Variants in ZNF385D observed in about 807,000 individuals in gnomAD.
The protein encoded by ZNF385D is zinc finger protein 659.
Under a neutral mutation model 35.8 loss-of-function variants are expected in ZNF385D, and 15 were observed. The observed-to-expected ratio is 0.42, with a 90% CI of 0.28 to 0.64. The LOEUF is 0.64. Among genes scored for constraint, ZNF385D ranks in the 30% least tolerant of loss-of-function variants. The pLI is 0.23. For synonymous variants in ZNF385D, 212 were observed against 186.8 expected (o/e 1.13, Z -1.10); for missense variants, 474 against 494.6 (o/e 0.96, Z 0.39).
In ZNF385D at chr3:21,988,818, G is replaced by A. The variant is rs559552071; in HGVS notation, c.325+179999C>T. 9.2e-5 allele frequency among the ~76,000 whole-genome samples: 14 copies of A among 152,244 alleles called. No individual in the cohort carries two copies. The East Asian group carries it at 1.7e-3, about 19-fold the overall frequency. On this transcript the variant is annotated intron_variant, in intron 3 of 5. Coordinates refer to the ZNF385D transcript ENST00000494108. ...TCAGACTGCTGTGCTAGCAATCAGCGAGACTCCGTGGGCGTAGGACCCTCC... is the reference window on the plus strand; with the variant it reads ...TCAGACTGCTGTGCTAGCAATCAGCAAGACTCCGTGGGCGTAGGACCCTCC...
chr3:21,872,678 T>A lies in ZNF385D; in HGVS notation c.326-207650A>T, dbSNP rs952420814. On this transcript the variant is annotated intron_variant, in intron 3 of 5. Coordinates refer to the ZNF385D transcript ENST00000494108. The stretch of plus-strand genomic sequence containing the variant: ...GGTTGCCATTTACAATGTGGCAAAA[T>A]GGCCTGAAAGAAATAGAGTTTGCTG... Among the ~76,000 whole-genome samples the A allele has an allele frequency of 1.1e-4, 17 of 152,194 alleles. 1 individual carries two copies. Among genetic ancestry groups the A allele is most frequent in the Admixed American group, 7.9e-4 (12 of 15,274 alleles).
chr3:22,062,211 TTTA>T (rs975498025), intron 3 of ZNF385D, among the ~76,000 whole-genome samples: 6 of 149,152 alleles, frequency 4.0e-5, no homozygotes, highest in African/African-American at 1.5e-4. Context: ...CCATGCCTAA[TTTA>T]TTTTTATTTT....
At chr3:22,258,457 G>A (rs1395732607) in intron 2 of ZNF385D, among the ~76,000 whole-genome samples, 1 of 151,698 alleles carries the variant, frequency 6.6e-6, no homozygotes, top group Non-Finnish European at 1.5e-5. Flanking sequence ...AATGTACTCT[G>A]TATAATATCA....
intron 3 of ZNF385D, among the ~76,000 whole-genome samples, chr3:22,128,203 G>T (rs1346024935): frequency 6.6e-6 from 1 of 152,134 alleles, no homozygotes; most frequent in Non-Finnish European, 1.5e-5. Flanking sequence ...AGTATATCAT[G>T]CCACTCCCTC....
At chr3:21,904,445 A>G (rs1559740034) in intron 3 of ZNF385D, among the ~76,000 whole-genome samples, 1 of 152,186 alleles carries the variant, frequency 6.6e-6, no homozygotes, top group Admixed American at 6.6e-5. Context: ...TGTATTTTAA[A>G]AAACTACTAT....
chr3:21,807,833 T>A (rs965602786), intron 3 of ZNF385D, among the ~76,000 whole-genome samples: 2 of 152,206 alleles, frequency 1.3e-5, no homozygotes, highest in Non-Finnish European at 2.9e-5. Context: ...TTTGAAAAAG[T>A]CTCTGAGATG....
intron 2 of ZNF385D, among the ~76,000 whole-genome samples, chr3:22,180,420 C>G (rs2125777935): frequency 6.6e-6 from 1 of 152,308 alleles, no homozygotes; most frequent in South Asian, 2.1e-4. Context: ...AGGGAATCCT[C>G]CCTAACTCAT....
chr3:21,486,761 G>C (rs1178762133), intron 4 of ZNF385D, among the ~76,000 whole-genome samples: 1 of 152,070 alleles, frequency 6.6e-6, no homozygotes, highest in Non-Finnish European at 1.5e-5. Flanking sequence ...CAATCACATA[G>C]CCTGTATTAG....
At chr3:21,462,185 C>G (rs1353229285) in intron 4 of ZNF385D, among the ~76,000 whole-genome samples, 1 of 152,212 alleles carries the variant, frequency 6.6e-6, no homozygotes, top group East Asian at 1.9e-4. Context: ...TAAACACTAC[C>G]TTTTCTAATT....
At chr3:21,846,546 C>T (rs1298468081) in intron 3 of ZNF385D, among the ~76,000 whole-genome samples, 1 of 151,958 alleles carries the variant, frequency 6.6e-6, no homozygotes, top group Non-Finnish European at 1.5e-5. Flanking sequence ...CAGTCTTTTC[C>T]TCCAGGCATA....
intron 3 of ZNF385D, among the ~76,000 whole-genome samples, chr3:21,823,005 A>T (rs1416312851): frequency 6.6e-6 from 1 of 152,208 alleles, no homozygotes; most frequent in Non-Finnish European, 1.5e-5. Context: ...ACAAAGATGC[A>T]ATCAAAACAG....
chr3:21,772,072 T>C (rs2071099399), intron 3 of ZNF385D, among the ~76,000 whole-genome samples: 1 of 151,772 alleles, frequency 6.6e-6, no homozygotes, highest in South Asian at 2.1e-4. Context: ...ATGTAAAAAA[T>C]TAAGTCACAA....
intron 2 of ZNF385D, among the ~76,000 whole-genome samples, chr3:21,584,344 T>A (rs1362645574): frequency 1.3e-5 from 2 of 152,192 alleles, no homozygotes; most frequent in Non-Finnish European, 2.9e-5. Flanking sequence ...CTGCAACTCA[T>A]TGTTCCAGAC....
chr3:21,528,711 TTTGA>T (rs1282255653), intron 3 of ZNF385D, among the ~76,000 whole-genome samples: 2 of 152,170 alleles, frequency 1.3e-5, no homozygotes, highest in African/African-American at 2.4e-5. Context: ...CTATGCATCT[TTTGA>T]TTGATGTATA....
intron 2 of ZNF385D, among the ~76,000 whole-genome samples, chr3:22,289,172 T>C (rs915862259): frequency 1.3e-5 from 2 of 152,154 alleles, no homozygotes; most frequent in Non-Finnish European, 2.9e-5. Context: ...CTTCCTACTA[T>C]ACCCTTTGAT....
chr3:22,087,835 G>C (rs368373989), intron 3 of ZNF385D, among the ~76,000 whole-genome samples: 23 of 152,136 alleles, frequency 1.5e-4, no homozygotes, highest in East Asian at 5.8e-4. Context: ...AAAAAGCAGA[G>C]TATAGGAATG....
intron 2 of ZNF385D, among the ~76,000 whole-genome samples, chr3:22,351,630 G>A: frequency 6.6e-6 from 1 of 152,086 alleles, no homozygotes; most frequent in East Asian, 1.9e-4. Context: ...TATAATGAGA[G>A]TAAGCTAAAA....
chr3:22,202,173 T>C, intron 2 of ZNF385D, among the ~76,000 whole-genome samples: 1 of 152,096 alleles, frequency 6.6e-6, no homozygotes, highest in East Asian at 1.9e-4. Context: ...ACTATCTTAC[T>C]GCAGTGATAT....
At chr3:21,741,932 T>C (rs370770481) in intron 1 of ZNF385D, among the ~76,000 whole-genome samples, 3 of 152,290 alleles carry the variant, frequency 2.0e-5, no homozygotes, top group South Asian at 4.2e-4. Context: ...GCCTCTAAGG[T>C]ATATTGAAAC....
Sources: gnomAD v4.1 joint callset for allele counts (sites outside exome capture counted in the v4.1 genomes callset) on GRCh38, gnomAD v4.1.1 for gene constraint, MANE v1.5 for transcripts, NCBI Gene and HGNC (gene_info 2026-07-23, HGNC 2026-07-21) for gene names.